The following TMEM181 variants were observed in gnomAD, a reference collection of about 807,000 sequenced individuals.
TMEM181 encodes G protein-coupled receptor 178.
TMEM181 carries 39 observed loss-of-function variants against 71.9 expected under a neutral mutation model. The ratio of observed to expected loss-of-function variants is 0.54; its 90% CI spans 0.42 to 0.71. The LOEUF (loss-of-function observed/expected upper bound fraction) is 0.71, where lower values mean the gene tolerates loss of function less well. Among genes scored for constraint, TMEM181 ranks in the 30% least tolerant of loss-of-function variants. The pLI, the probability that TMEM181 is intolerant of heterozygous loss-of-function variation, is 0.00. For missense variants in TMEM181, 595 were observed against 583.0 expected (o/e 1.02, Z -0.21); for synonymous variants, 245 against 228.8 (o/e 1.07, Z -0.64).
intron 5 of TMEM181, among the ~76,000 whole-genome samples, chr6:158,588,638 A>G (rs559038342): frequency 7.1e-4 from 108 of 152,112 alleles, no homozygotes; most frequent in Middle Eastern, 3.4e-3. Flanking sequence ...TTTAGTGGAG[A>G]TGGGGTTTCA....
Position 158,583,938 on chromosome 6 carries a change from G to GTT in TMEM181, c.169-8_169-7dup. On this transcript the variant is annotated splice_polypyrimidine_tract_variant and intron_variant, in intron 3 of 16. Transcript: ENST00000684151. ...ATGAAAAGGTCACATGGATTACTTTGTTTTTTTTTCTTCAGCTAAAGCCAA... is the reference window on the plus strand; with the variant it reads ...ATGAAAAGGTCACATGGATTACTTTGTTTTTTTTTTTCTTCAGCTAAAGCCAA... The GTT allele has an allele frequency of 1.7e-5, 25 of 1,508,706 alleles. No homozygotes were observed. The highest frequency in any genetic ancestry group is 3.7e-5 in the South Asian group (3 of 81,088). 93.5% of individuals were successfully genotyped at this position (1,508,706 alleles called of 1,614,324 possible).
intron 10 of TMEM181, among the ~76,000 whole-genome samples, chr6:158,619,147 G>T (rs556593429): frequency 6.6e-6 from 1 of 152,158 alleles, no homozygotes; most frequent in South Asian, 2.1e-4. Context: ...ACATAGATTT[G>T]GTCTTTTCAC....
intron 6 of TMEM181, among the ~76,000 whole-genome samples, chr6:158,593,168 A>G (rs1468470844): frequency 6.6e-6 from 1 of 152,222 alleles, no homozygotes; most frequent in African/African-American, 2.4e-5. Context: ...CCTCAGAGTA[A>G]GAAGTTGGGA....
intron 2 of TMEM181, among the ~76,000 whole-genome samples, chr6:158,577,173 G>A (rs1170362913): frequency 6.6e-6 from 1 of 151,974 alleles, no homozygotes; most frequent in African/African-American, 2.4e-5. Flanking sequence ...TGACAGATCT[G>A]TTAGGCAGAG....
At chr6:158,585,666 G>A (rs906830835) in intron 5 of TMEM181, among the ~76,000 whole-genome samples, 15 of 152,118 alleles carry the variant, frequency 9.9e-5, no homozygotes, top group Non-Finnish European at 1.5e-4. Flanking sequence ...ACACGTGTAC[G>A]CACATATGCA....
At chr6:158,614,478 AT>A (rs1480932752) in intron 10 of TMEM181, among the ~76,000 whole-genome samples, 1 of 98,140 alleles carries the variant, frequency 1.0e-5, no homozygotes, top group Non-Finnish European at 2.1e-5. Context: ...AGACAATCCT[AT>A]TTAAAAAAAA....
At chr6:158,629,029 C>T (rs1227875211) in intron 14 of TMEM181, among the ~76,000 whole-genome samples, 2 of 152,194 alleles carry the variant, frequency 1.3e-5, no homozygotes, top group African/African-American at 4.8e-5. Flanking sequence ...TCAGAAAATA[C>T]TGGGACCCCC....
At chr6:158,544,182 AGTGT>A (rs34605570) in intron 1 of TMEM181, among the ~76,000 whole-genome samples, 53 of 127,638 alleles carry the variant, frequency 4.2e-4, no homozygotes, top group South Asian at 1.1e-3. Flanking sequence ...AATTGGAGAG[AGTGT>A]GTGTGTGTGT....
At chr6:158,561,415 G>GC (rs1782164025) in intron 1 of TMEM181, among the ~76,000 whole-genome samples, 1 of 152,256 alleles carries the variant, frequency 6.6e-6, no homozygotes, top group South Asian at 2.1e-4. Flanking sequence ...CAGAGGGCAA[G>GC]ATTCTTGTGC....
intron 6 of TMEM181, among the ~76,000 whole-genome samples, chr6:158,592,089 T>G (rs1184921041): frequency 6.6e-6 from 1 of 152,196 alleles, no homozygotes; most frequent in Non-Finnish European, 1.5e-5. Context: ...AGACAGCCCT[T>G]GAGACCCTTG....
rs1360978684 is a variant in TMEM181, at chr6:158,633,739, ATGTT to A, written c.*1853_*1856del. ...TGTTTTAAAAACCTTGTAAATATGA[ATGTT>A]TAAGACAACTTACTGCAAGGGTAAT... On this transcript the variant is annotated 3_prime_UTR_variant, in exon 17 of 17. Coordinates refer to ENST00000684151, the MANE Select transcript of TMEM181 (RefSeq NM_001376852.1). 5.3e-5 allele frequency: 8 copies of A among 152,198 alleles called. No individual in the cohort carries two copies. The highest frequency in any genetic ancestry group is 1.3e-4 in the Admixed American group (2 of 15,282). 9.4% of individuals were successfully genotyped at this position (152,198 alleles called of 1,614,324 possible). A position where few individuals can be genotyped will look rare whatever the true frequency, so the allele number is the denominator to read the frequency against.
chr6:158,589,467 T>C (rs747441383), intron 5 of TMEM181, among the ~76,000 whole-genome samples: 6 of 152,182 alleles, frequency 3.9e-5, no homozygotes, highest in Non-Finnish European at 7.3e-5. Context: ...GTAAATCATA[T>C]ATTATGTTTC....
upstream of TMEM181, among the ~76,000 whole-genome samples, chr6:158,556,285 G>A (rs1781886031): frequency 6.6e-6 from 1 of 152,200 alleles, no homozygotes; most frequent in Non-Finnish European, 1.5e-5. Flanking sequence ...AGTTCAGAGG[G>A]CTCAAGTGAG....
At chr6:158,603,523 G>A (rs764733867) in intron 6 of TMEM181, among the ~76,000 whole-genome samples, 13 of 152,042 alleles carry the variant, frequency 8.6e-5, no homozygotes, top group Non-Finnish European at 1.3e-4. Context: ...GTGGCCTGGG[G>A]ACCCCTGTAT....
chr6:158,550,410 C>G (rs188702897), intron 1 of TMEM181, among the ~76,000 whole-genome samples: 153 of 151,930 alleles, frequency 1.0e-3, no homozygotes, highest in African/African-American at 3.6e-3. Flanking sequence ...GTAATCCCAG[C>G]ACTTTGGGAG....
At chr6:158,626,593 A>G in intron 13 of TMEM181, 2 of 456,964 alleles carry the variant, frequency 4.4e-6, no homozygotes, top group Non-Finnish European at 8.8e-6. Context: ...GTCCACCACC[A>G]CTAGGAGTGT....
chr6:158,588,969 G>A (rs944408116), intron 5 of TMEM181, among the ~76,000 whole-genome samples: 2 of 152,182 alleles, frequency 1.3e-5, no homozygotes, highest in African/African-American at 4.8e-5. Flanking sequence ...CTGTGTGCAT[G>A]GCTGGTGGGT....
At chr6:158,605,918 A>G (rs1350521901) in intron 7 of TMEM181, among the ~76,000 whole-genome samples, 1 of 152,138 alleles carries the variant, frequency 6.6e-6, no homozygotes, top group Non-Finnish European at 1.5e-5. Context: ...AAATTGGAGG[A>G]AGGGAAAGTG....
chr6:158,625,660 G>C (rs1202691485), intron 12 of TMEM181, 43 bp from the exon 13 acceptor site: 2 of 1,521,796 alleles, frequency 1.3e-6, no homozygotes, highest in Non-Finnish European at 1.8e-6. Context: ...AATGCAAGTG[G>C]AATTTACTTC....
Sources: gnomAD v4.1 joint callset for allele counts (sites outside exome capture counted in the v4.1 genomes callset) on GRCh38, gnomAD v4.1.1 for gene constraint, MANE v1.5 for transcripts, NCBI Gene and HGNC (gene_info 2026-07-23, HGNC 2026-07-21) for gene names.